The following PLAC1 variants were observed in gnomAD, a reference collection of about 807,000 sequenced individuals.
PLAC1 encodes placenta-specific protein 1.
For synonymous variants in PLAC1, 68 were observed against 62.1 expected (o/e 1.09, Z -0.44); for missense variants, 136 against 163.2 (o/e 0.83, Z 0.91).
intron 1 of PLAC1, among the ~76,000 whole-genome samples, chrX:134,652,862 C>T (rs1475915691): frequency 2.0e-4 from 22 of 111,574 alleles, no homozygotes; most frequent in Admixed American, 1.7e-3. Flanking sequence ...CATGGCAGAG[C>T]TGGAATAAAC....
At chrX:134,753,975 A>C (rs1319386381) in intron 1 of PLAC1, among the ~76,000 whole-genome samples, 2 of 112,490 alleles carry the variant, frequency 1.8e-5, no homozygotes, top group East Asian at 5.5e-4. Context: ...TCAATGTTTA[A>C]GTGCTTCCAT....
chrX:134,614,619 T>TATAC (rs2124401460), intron 1 of PLAC1, among the ~76,000 whole-genome samples: 1 of 104,143 alleles, frequency 9.6e-6, no homozygotes, highest in African/African-American at 4.0e-5. Context: ...ACACACACAA[T>TATAC]ATACATACAT....
At chrX:134,699,440 C>T (rs2078575430) in intron 2 of PLAC1, among the ~76,000 whole-genome samples, 1 of 111,748 alleles carries the variant, frequency 8.9e-6, no homozygotes, top group Non-Finnish European at 1.9e-5. Context: ...GTGCCTTGAT[C>T]TTGGACTTCC....
chrX:134,594,544 A>G (rs769639159), intron 2 of PLAC1, among the ~76,000 whole-genome samples: 2 of 111,488 alleles, frequency 1.8e-5, no homozygotes, highest in South Asian at 7.4e-4. Context: ...GGAGTTTTTA[A>G]ATTATGAATT....
At chrX:134,667,925 CAAA>C (rs752192722) in intron 2 of PLAC1, among the ~76,000 whole-genome samples, 1 of 87,372 alleles carries the variant, frequency 1.1e-5, no homozygotes. Context: ...GACCTTGTCT[CAAA>C]AAAAAAAAAA....
intron 2 of PLAC1, among the ~76,000 whole-genome samples, chrX:134,698,318 T>A (rs996657240): frequency 2.7e-5 from 3 of 110,760 alleles, no homozygotes; most frequent in Non-Finnish European, 5.7e-5. Flanking sequence ...CCGGGTGTGG[T>A]GGCGCACACC....
At chrX:134,662,583 T>A (rs760642535), upstream of PLAC1, among the ~76,000 whole-genome samples, 1 of 112,351 alleles carries the variant, frequency 8.9e-6, no homozygotes, top group South Asian at 3.7e-4. Context: ...AAGCAAAGGA[T>A]GATTTTTACA....
chrX:134,578,361 C>T (rs1314452122), intron 2 of PLAC1, among the ~76,000 whole-genome samples: 8 of 96,794 alleles, frequency 8.3e-5, no homozygotes, highest in Admixed American at 2.4e-4. Context: ...TGCAGTGAGC[C>T]GAGATCGCAC....
intron 1 of PLAC1, among the ~76,000 whole-genome samples, chrX:134,655,977 T>A (rs2078389718): frequency 8.9e-6 from 1 of 111,809 alleles, no homozygotes; most frequent in African/African-American, 3.3e-5. Flanking sequence ...ACATGCCTAA[T>A]GGCTTAATGC....
At chrX:134,697,418 TAG>T (rs1394451118) in intron 2 of PLAC1, among the ~76,000 whole-genome samples, 3 of 112,387 alleles carry the variant, frequency 2.7e-5, no homozygotes, top group African/African-American at 9.7e-5. Flanking sequence ...TCACAGGACC[TAG>T]AGATAACCAC....
Position 134,599,765 on chromosome X carries a change from G to A in PLAC1, c.-59+2286C>T, listed in dbSNP as rs1422148433. 2.7e-5 allele frequency among the ~76,000 whole-genome samples: 3 copies of A among 111,469 alleles called. No individual in the cohort carries two copies. The Admixed American group carries it at 2.9e-4, about 11-fold the overall frequency. On this transcript the variant is annotated intron_variant, in intron 2 of 2. Transcript: ENST00000359237. ...TCTTTTGAGCATTTGCATTTTTCAT[G>A]TTTGAATCAGAAAAGCCTCCATTTT...
intron 2 of PLAC1, among the ~76,000 whole-genome samples, chrX:134,721,725 T>A (rs748296907): frequency 9.2e-6 from 1 of 108,260 alleles, no homozygotes; most frequent in East Asian, 2.9e-4. Context: ...TAGCCAGGCA[T>A]GGTGGCATGC....
chrX:134,674,530 A>G (rs1057087612), intron 2 of PLAC1, among the ~76,000 whole-genome samples: 2 of 112,628 alleles, frequency 1.8e-5, no homozygotes, highest in African/African-American at 6.5e-5. Context: ...TTCCTACAGC[A>G]TTCAACCCAT....
At chrX:134,601,727 C>T (rs2078090388) in intron 2 of PLAC1, 1 of 111,998 alleles carries the variant, frequency 8.9e-6, no homozygotes, top group African/African-American at 3.2e-5. Context: ...CATCATTCAG[C>T]CTTTAAATGG....
At chrX:134,731,893 C>T (rs748108341) in intron 2 of PLAC1, among the ~76,000 whole-genome samples, 5 of 111,843 alleles carry the variant, frequency 4.5e-5, no homozygotes, top group Non-Finnish European at 9.4e-5. Flanking sequence ...TGATGGCAAA[C>T]ACCTGTAGTT....
intron 2 of PLAC1, among the ~76,000 whole-genome samples, chrX:134,715,126 G>A (rs1204562785): frequency 8.9e-6 from 1 of 111,927 alleles, no homozygotes; most frequent in African/African-American, 3.3e-5. Flanking sequence ...ACAATGCAGT[G>A]AGGTAGGTGT....
intron 1 of PLAC1, among the ~76,000 whole-genome samples, chrX:134,758,349 T>A (rs2078761983): frequency 9.0e-6 from 1 of 111,381 alleles, no homozygotes; most frequent in South Asian, 3.7e-4. Flanking sequence ...ACCAAAACAA[T>A]CCTGAGCAAA....
chrX:134,739,346 G>T (rs1211032057), intron 1 of PLAC1, among the ~76,000 whole-genome samples: 3 of 112,210 alleles, frequency 2.7e-5, no homozygotes, highest in South Asian at 3.7e-4. Flanking sequence ...GTCCAAAAGT[G>T]GGAACTTTTT....
At chrX:134,637,937 C>G (rs1165396194) in intron 1 of PLAC1, among the ~76,000 whole-genome samples, 1 of 112,186 alleles carries the variant, frequency 8.9e-6, no homozygotes, top group Admixed American at 9.5e-5. Flanking sequence ...TCCTGGAACA[C>G]AGCAGGTGCT....
Sources: gnomAD v4.1 joint callset for allele counts (sites outside exome capture counted in the v4.1 genomes callset) on GRCh38, gnomAD v4.1.1 for gene constraint, MANE v1.5 for transcripts, NCBI Gene and HGNC (gene_info 2026-07-23, HGNC 2026-07-21) for gene names.